Variants in KCNJ6 observed in about 807,000 individuals in gnomAD.
KCNJ6 encodes G protein-activated inward rectifier potassium channel 2.
Under a neutral mutation model 34.2 loss-of-function variants are expected in KCNJ6, and 9 were observed. That is an observed-to-expected ratio of 0.26 (90% CI 0.16 to 0.46). The LOEUF (loss-of-function observed/expected upper bound fraction) is 0.46. Among genes scored for constraint, KCNJ6 ranks in the 20% least tolerant of loss-of-function variants. KCNJ6 has a pLI of 1.00. For synonymous variants in KCNJ6, 196 were observed against 207.1 expected (o/e 0.95, Z 0.46); for missense variants, 236 against 531.3 (o/e 0.44, Z 5.46).
At chr21:37,859,846 G>GA (rs1481822878) in intron 1 of KCNJ6, among the ~76,000 whole-genome samples, 1 of 152,158 alleles carries the variant, frequency 6.6e-6, no homozygotes, top group African/African-American at 2.4e-5. Context: ...AGCTACCACT[G>GA]ATACTTTTGT....
chr21:37,909,467 G>A (rs982847955), intron 1 of KCNJ6, among the ~76,000 whole-genome samples: 3 of 151,820 alleles, frequency 2.0e-5, no homozygotes, highest in African/African-American at 7.3e-5. Context: ...CTGGGTTCAA[G>A]CAATTCTTGT....
intron 2 of KCNJ6, among the ~76,000 whole-genome samples, chr21:37,749,974 C>T (rs1281306303): frequency 6.6e-6 from 1 of 152,164 alleles, no homozygotes; most frequent in African/African-American, 2.4e-5. Context: ...GAGGTCAGAG[C>T]TGGGCTAAAA....
At chr21:37,784,945 G>A (rs959680246) in intron 2 of KCNJ6, among the ~76,000 whole-genome samples, 9 of 152,132 alleles carry the variant, frequency 5.9e-5, no homozygotes, top group Non-Finnish European at 1.0e-4. Flanking sequence ...AGGTGGCTCC[G>A]AGCACAATTT....
chr21:37,798,290 A>G (rs2055252755), intron 2 of KCNJ6, among the ~76,000 whole-genome samples: 1 of 152,144 alleles, frequency 6.6e-6, no homozygotes, highest in Non-Finnish European at 1.5e-5. Flanking sequence ...GCCCCTCCAC[A>G]TGGGCTCTGG....
chr21:37,873,299 G>A (rs1250098699), intron 1 of KCNJ6, among the ~76,000 whole-genome samples: 4 of 152,186 alleles, frequency 2.6e-5, no homozygotes, highest in Admixed American at 6.5e-5. Context: ...CACGTTACGC[G>A]AATCCTTGCA....
At position 37,862,064 on chromosome 21, in the gene KCNJ6, C is replaced by T. The variant is rs141512268; in HGVS notation, c.-27-21355G>A. 6.1e-3 allele frequency among the ~76,000 whole-genome samples: 930 copies of T among 152,316 alleles called. 1 individual carries two copies. Among genetic ancestry groups the T allele is most frequent in the Admixed American group, 0.018 (274 of 15,300 alleles). On this transcript the variant is annotated intron_variant, in intron 1 of 3. Coordinates refer to ENST00000609713, the MANE Select transcript of KCNJ6 (RefSeq NM_002240.5). ...TCGTTCCTTGGCCTGCTCCTCAAGC[C>T]CCAAGTAAGGCTTAGAAGACAGCCC...
intron 2 of KCNJ6, among the ~76,000 whole-genome samples, chr21:37,800,773 CATT>C (rs1432773022): frequency 1.3e-5 from 2 of 152,228 alleles, no homozygotes; most frequent in Non-Finnish European, 2.9e-5. Flanking sequence ...ACTAAATCAT[CATT>C]GTCAGTGATG....
intron 1 of KCNJ6, among the ~76,000 whole-genome samples, chr21:37,872,066 TG>T (rs1389772024): frequency 2.6e-5 from 4 of 152,138 alleles, no homozygotes; most frequent in Non-Finnish European, 5.9e-5. Context: ...AACAAACAAA[TG>T]TAAGCACACA....
intron 3 of KCNJ6, among the ~76,000 whole-genome samples, chr21:37,639,601 A>G (rs2054372349): frequency 6.6e-6 from 1 of 152,232 alleles, no homozygotes; most frequent in African/African-American, 2.4e-5. Flanking sequence ...ACAAAAAGAC[A>G]TATTCAGAAA....
rs1440612959 is a variant in KCNJ6, at chr21:37,625,450, G to C, written c.981C>G (p.Thr327=). The C allele has an allele frequency of 6.2e-7, 1 of 1,613,808 alleles. No individual in the cohort carries two copies. Among genetic ancestry groups the C allele is most frequent in the Non-Finnish European group, 8.5e-7 (1 of 1,179,830 alleles). Residue 327 remains threonine (T), a synonymous_variant, in exon 4 of 4, where the codon ACC becomes ACG. Coordinates refer to ENST00000609713, the MANE Select transcript of KCNJ6 (RefSeq NM_002240.5). ...ACCGGTAACCCCACAGGATCTCACT[G>C]GTGATGTAGGAGCTTCGAGCTTGGC... is the stretch of plus-strand genomic sequence containing the variant. ...MTCQARSSYI[T]SEILWGYRFT... is the part of the protein sequence containing the mutation.
intron 1 of KCNJ6, among the ~76,000 whole-genome samples, chr21:37,904,082 G>GT (rs2055830016): frequency 2.0e-5 from 3 of 152,376 alleles, no homozygotes; most frequent in South Asian, 4.1e-4. Context: ...TCCCACAACA[G>GT]TTTTTTGTGT....
At chr21:37,697,080 C>T (rs2054666741) in intron 3 of KCNJ6, among the ~76,000 whole-genome samples, 1 of 152,194 alleles carries the variant, frequency 6.6e-6, no homozygotes, top group African/African-American at 2.4e-5. Context: ...TTGTCACCAA[C>T]AGGTGCTGTG....
rs149812780 is a variant in KCNJ6 at position 37,614,359 on chromosome 21, AGT to A, written c.*10798_*10799del. On this transcript the variant is annotated 3_prime_UTR_variant, in exon 4 of 4. Transcript: ENST00000609713. ...CTCATAACTGATTGGAAAGGATAAG[AGT>A]GTGTGTGTGTGTGTGTGTGTGTATA... 167 of 85,200 alleles carry A rather than the reference AGT, an allele frequency of 2.0e-3. No homozygotes were observed. The highest frequency in any genetic ancestry group is 0.012 in the Middle Eastern group (2 of 170). 5.3% of individuals were successfully genotyped at this position (85,200 alleles called of 1,614,324 possible). A position where few individuals can be genotyped will look rare whatever the true frequency, so the allele number is the denominator to read the frequency against.
At chr21:37,763,913 G>T (rs1326393683) in intron 2 of KCNJ6, among the ~76,000 whole-genome samples, 3 of 152,086 alleles carry the variant, frequency 2.0e-5, no homozygotes, top group African/African-American at 7.2e-5. Flanking sequence ...TAACAAACCT[G>T]CATGTTGTGC....
chr21:37,915,523 T>G (rs907207010), intron 1 of KCNJ6, among the ~76,000 whole-genome samples: 1 of 152,194 alleles, frequency 6.6e-6, no homozygotes, highest in African/African-American at 2.4e-5. Flanking sequence ...AATGACTACA[T>G]CACAAGCCGC....
intron 1 of KCNJ6, among the ~76,000 whole-genome samples, chr21:37,913,534 G>C (rs1278155660): frequency 6.6e-6 from 1 of 152,148 alleles, no homozygotes; most frequent in East Asian, 1.9e-4. Context: ...AAAGAATTTG[G>C]CTGGGCCGGA....
chr21:37,722,844 C>G (rs1164294809), intron 2 of KCNJ6, among the ~76,000 whole-genome samples: 2 of 152,150 alleles, frequency 1.3e-5, no homozygotes, highest in Non-Finnish European at 1.5e-5. Context: ...TAGGAGGAAA[C>G]CTAGGAAACA....
intron 1 of KCNJ6, among the ~76,000 whole-genome samples, chr21:37,877,287 T>C (rs915409388): frequency 1.3e-5 from 2 of 152,202 alleles, no homozygotes; most frequent in African/African-American, 4.8e-5. Context: ...GTACCATTCT[T>C]CCCTGCCAAA....
chr21:37,682,160 G>A (rs756470754), intron 3 of KCNJ6, among the ~76,000 whole-genome samples: 1 of 152,186 alleles, frequency 6.6e-6, no homozygotes, highest in Non-Finnish European at 1.5e-5. Context: ...CCACAAACTT[G>A]GAGGCTTAGA....
Sources: allele counts gnomAD v4.1 joint callset (sites outside exome capture counted in the v4.1 genomes callset), GRCh38; gene constraint gnomAD v4.1.1; transcripts MANE v1.5; gene names NCBI Gene and HGNC (gene_info 2026-07-23, HGNC 2026-07-21).